ADAMTS12: variants seen among roughly 807,000 people sequenced by gnomAD.
ADAMTS12 encodes ADAM metallopeptidase with thrombospondin type 1 motif 12.
Under a neutral mutation model 167.8 loss-of-function variants are expected in ADAMTS12, and 118 were observed. The observed-to-expected ratio is 0.70, with a 90% CI of 0.61 to 0.82. The LOEUF is 0.82. Ranked by LOEUF, ADAMTS12 falls within the 40% of genes least tolerant of loss-of-function variation. ADAMTS12 has a pLI of 0.00. For missense variants in ADAMTS12, 1,916 were observed against 1,998.8 expected (o/e 0.96, Z 0.79); for synonymous variants, 704 against 716.9 (o/e 0.98, Z 0.29).
chr5:33,796,952 G>C (rs956559196), intron 2 of ADAMTS12, among the ~76,000 whole-genome samples: 2 of 152,214 alleles, frequency 1.3e-5, no homozygotes. Context: ...TTGATGGATA[G>C]AGACTCCTTC....
At chr5:33,686,718 G>A (rs889406660) in intron 3 of ADAMTS12, among the ~76,000 whole-genome samples, 5 of 151,096 alleles carry the variant, frequency 3.3e-5, no homozygotes, top group Admixed American at 6.6e-5. Context: ...TTCTCTCAGA[G>A]AGAGGAGACA....
intron 2 of ADAMTS12, among the ~76,000 whole-genome samples, chr5:33,787,970 AG>A (rs1746391135): frequency 6.6e-6 from 1 of 152,226 alleles, no homozygotes; most frequent in Admixed American, 6.5e-5. Flanking sequence ...GCCACCAGGA[AG>A]GGCACAGCCT....
rs749160786 is a variant in ADAMTS12, at chr5:33,683,987, T to A, written c.703A>T (p.Arg235Ter). ...EKWERHNLPSRSLSRRSISKE... is the reference protein window; with the variant it reads ...EKWERHNLPS ...CTGATGGAACGCCGAGAGAGGCTTC[T>A]GCTTGGCAAGTTGTGCCTCTCCCAC... The change falls in exon 4 of 24, where the codon AGA becomes TGA. Residue 235 changes from arginine (R) to a stop codon, truncating the protein, a stop_gained. Coordinates refer to ENST00000504830, the MANE Select transcript of ADAMTS12 (RefSeq NM_030955.4). LOFTEE classifies it high-confidence loss of function. 1.9e-6 allele frequency: 3 copies of A among 1,612,178 alleles called. No homozygotes were observed. The African/African-American group carries it at 4.0e-5, about 22-fold the overall frequency.
At chr5:33,730,592 C>A (rs886196561) in intron 3 of ADAMTS12, among the ~76,000 whole-genome samples, 1 of 152,090 alleles carries the variant, frequency 6.6e-6, no homozygotes, top group Admixed American at 6.5e-5. Flanking sequence ...TAAATAACAG[C>A]AAAATATACT....
chr5:33,827,710 A>AATAGATAGATAG (rs60023282), intron 2 of ADAMTS12, among the ~76,000 whole-genome samples: 7 of 99,004 alleles, frequency 7.1e-5, no homozygotes, highest in Non-Finnish European at 1.2e-4. Flanking sequence ...GAGAAAACAA[A>AATAGATAGATAG]ATAGATAGAT....
At chr5:33,889,110 T>C (rs1296964837) in intron 1 of ADAMTS12, among the ~76,000 whole-genome samples, 2 of 152,148 alleles carry the variant, frequency 1.3e-5, no homozygotes, top group African/African-American at 2.4e-5. Flanking sequence ...CAATCATATA[T>C]GTTGACTAAC....
intron 21 of ADAMTS12, among the ~76,000 whole-genome samples, chr5:33,547,164 A>G (rs1205527018): frequency 6.6e-6 from 1 of 152,176 alleles, no homozygotes; most frequent in African/African-American, 2.4e-5. Context: ...GTTCTTGTGC[A>G]TACCTACCTA....
intron 13 of ADAMTS12, 58 bp from the exon 14 acceptor site, chr5:33,624,409 G>T (rs1419143406): frequency 1.2e-6 from 2 of 1,606,814 alleles, no homozygotes; most frequent in Non-Finnish European, 1.7e-6. Context: ...CTCTTGCCTG[G>T]ATCTGTGACT....
intron 7 of ADAMTS12, among the ~76,000 whole-genome samples, chr5:33,650,266 T>C (rs1412375739): frequency 6.6e-6 from 1 of 152,174 alleles, no homozygotes; most frequent in Non-Finnish European, 1.5e-5. Context: ...AACTCCAGCC[T>C]TGCCACTTAA....
chr5:33,539,065 C>T (rs147748062), intron 22 of ADAMTS12, among the ~76,000 whole-genome samples: 1,531 of 152,216 alleles, frequency 0.01, 24 homozygotes, highest in African/African-American at 0.035. Context: ...CCTCAGCCTC[C>T]GGAGTAGCTG....
chr5:33,698,420 G>A (rs1742863414), intron 3 of ADAMTS12, among the ~76,000 whole-genome samples: 1 of 152,062 alleles, frequency 6.6e-6, no homozygotes, highest in Non-Finnish European at 1.5e-5. Flanking sequence ...CACTCATCAT[G>A]GTTCCCAGAA....
chr5:33,819,967 T>G (rs184028567), intron 2 of ADAMTS12, among the ~76,000 whole-genome samples: 20 of 152,282 alleles, frequency 1.3e-4, no homozygotes, highest in African/African-American at 4.1e-4. Flanking sequence ...CTGGTAACAA[T>G]TGGTTTCTTT....
intron 19 of ADAMTS12, among the ~76,000 whole-genome samples, chr5:33,561,859 G>C (rs1280147920): frequency 1.3e-5 from 2 of 152,180 alleles, no homozygotes; most frequent in Non-Finnish European, 2.9e-5. Flanking sequence ...TACCAATGCT[G>C]TTCAGAGTGG....
At position 33,842,812 on chromosome 5, in the gene ADAMTS12, G is replaced by A. The variant is rs548921358; in HGVS notation, c.489+38307C>T. Among the ~76,000 whole-genome samples the A allele has an allele frequency of 5.1e-4, 77 of 152,226 alleles. 1 individual carries two copies. Among genetic ancestry groups the A allele is most frequent in the African/African-American group, 1.6e-3 (65 of 41,532 alleles). ...AAGAGCCAGGATAACAGTGGGGTGC[G>A]AACACACATTCAGAAAGCTAAGGCT... On this transcript the variant is annotated intron_variant, in intron 2 of 23. Transcript: ENST00000504830.
intron 3 of ADAMTS12, among the ~76,000 whole-genome samples, chr5:33,742,374 G>C (rs940662588): frequency 3.3e-5 from 5 of 150,612 alleles, no homozygotes; most frequent in Non-Finnish European, 7.4e-5. Context: ...GAGACTTCCA[G>C]CTGCTGCACA....
chr5:33,601,904 C>G (rs909836788), intron 16 of ADAMTS12, among the ~76,000 whole-genome samples: 8 of 152,120 alleles, frequency 5.3e-5, no homozygotes, highest in Non-Finnish European at 1.0e-4. Context: ...GTTTAATAGT[C>G]TTAGGTAGAA....
chr5:33,541,394 A>C (rs1487663675), intron 22 of ADAMTS12, among the ~76,000 whole-genome samples: 2 of 152,260 alleles, frequency 1.3e-5, no homozygotes, highest in African/African-American at 2.4e-5. Context: ...AATGGAACCA[A>C]GTTGGAAAAC....
At chr5:33,796,422 T>C (rs1231158185) in intron 2 of ADAMTS12, among the ~76,000 whole-genome samples, 2 of 152,240 alleles carry the variant, frequency 1.3e-5, no homozygotes, top group African/African-American at 4.8e-5. Flanking sequence ...TCCTACACAT[T>C]TATTTCTTCA....
intron 2 of ADAMTS12, among the ~76,000 whole-genome samples, chr5:33,823,353 G>A (rs1426266740): frequency 6.6e-6 from 1 of 152,174 alleles, no homozygotes; most frequent in Non-Finnish European, 1.5e-5. Context: ...CTTTCACAAC[G>A]AATTATGCCT....
Sources: allele counts gnomAD v4.1 joint callset (sites outside exome capture counted in the v4.1 genomes callset), GRCh38; gene constraint gnomAD v4.1.1; transcripts MANE v1.5; gene names NCBI Gene and HGNC (gene_info 2026-07-23, HGNC 2026-07-21).